Variants in HADHA observed in about 807,000 individuals in gnomAD.
The protein encoded by HADHA is trifunctional enzyme subunit alpha, mitochondrial.
HADHA carries 59 observed loss-of-function variants against 91.3 expected under a neutral mutation model. The ratio of observed to expected loss-of-function variants is 0.65; its 90% CI spans 0.52 to 0.80. The LOEUF (loss-of-function observed/expected upper bound fraction) is 0.80, where lower values mean the gene tolerates loss of function less well. Ranked by LOEUF, HADHA falls within the 30% of genes least tolerant of loss-of-function variation. The pLI, the probability that HADHA is intolerant of heterozygous loss-of-function variation, is 0.00. For missense variants in HADHA, 800 were observed against 927.6 expected (o/e 0.86, Z 1.79); for synonymous variants, 320 against 338.9 (o/e 0.94, Z 0.61).
intron 11 of HADHA, among the ~76,000 whole-genome samples, chr2:26,206,058 T>C (rs1669962700): frequency 6.6e-6 from 1 of 152,022 alleles, no homozygotes; most frequent in Non-Finnish European, 1.5e-5. Flanking sequence ...CCTAACACTT[T>C]GGGAGGCCTA....
At position 26,239,225 on chromosome 2, in the gene HADHA, A is replaced by T. The variant is rs12987980; in HGVS notation, c.68-82T>A. ...ATATATAACAAAGCTGTAATTTACAATAATAACAACAACAAAAACCCCAAA... is the reference window on the plus strand; with the variant it reads ...ATATATAACAAAGCTGTAATTTACATTAATAACAACAACAAAAACCCCAAA... On this transcript the variant is annotated intron_variant, in intron 1 of 19. Transcript: ENST00000380649. 186,610 of 935,198 alleles carry T rather than the reference A, an allele frequency of 0.2. 20,599 individuals are homozygous for T. Among genetic ancestry groups the T allele is most frequent in the Middle Eastern group, 0.25 (846 of 3,358 alleles). 57.9% of individuals were successfully genotyped at this position (935,198 alleles called of 1,614,324 possible). A position where few individuals can be genotyped will look rare whatever the true frequency, so the allele number is the denominator to read the frequency against.
At chr2:26,225,717 A>G (rs1472944133) in intron 7 of HADHA, among the ~76,000 whole-genome samples, 3 of 152,218 alleles carry the variant, frequency 2.0e-5, no homozygotes, top group African/African-American at 7.2e-5. Context: ...CCTGATAAAG[A>G]GCACATATGA....
chr2:26,237,551 T>G (rs1670791716), intron 3 of HADHA, among the ~76,000 whole-genome samples: 1 of 152,092 alleles, frequency 6.6e-6, no homozygotes, highest in South Asian at 2.1e-4. Context: ...CACCTGAGCC[T>G]GGGGAGGCTG....
chr2:26,208,099 C>T (rs1670011060), intron 11 of HADHA, among the ~76,000 whole-genome samples: 1 of 152,104 alleles, frequency 6.6e-6, no homozygotes, highest in South Asian at 2.1e-4. Flanking sequence ...CTATATTTAT[C>T]CTGTTTTTCT....
intron 1 of HADHA, among the ~76,000 whole-genome samples, chr2:26,242,370 G>A (rs1380819598): frequency 2.6e-5 from 4 of 151,984 alleles, no homozygotes; most frequent in Admixed American, 1.3e-4. Context: ...TGCTATTAAG[G>A]GATCAGTAAC....
intron 7 of HADHA, among the ~76,000 whole-genome samples, chr2:26,220,301 A>C (rs1029712504): frequency 7.2e-5 from 11 of 152,224 alleles, no homozygotes; most frequent in African/African-American, 2.7e-4. Context: ...AGCAATGAGT[A>C]ATATCACTAT....
intron 12 of HADHA, among the ~76,000 whole-genome samples, chr2:26,202,269 C>A (rs1340665900): frequency 2.0e-5 from 3 of 152,174 alleles, no homozygotes; most frequent in Admixed American, 6.5e-5. Context: ...AGACATTCAA[C>A]TGATTATTTT....
intron 1 of HADHA, among the ~76,000 whole-genome samples, chr2:26,240,723 A>G (rs536543537): frequency 6.5e-4 from 99 of 152,270 alleles, no homozygotes; most frequent in African/African-American, 2.2e-3. Context: ...GGCTCAAGTA[A>G]TCTTCCGGAG....
chr2:26,240,371 A>G (rs1325604387), intron 1 of HADHA, among the ~76,000 whole-genome samples: 1 of 152,216 alleles, frequency 6.6e-6, no homozygotes, highest in Non-Finnish European at 1.5e-5. Flanking sequence ...TCAGCAGGGG[A>G]TATGATATCT....
intron 11 of HADHA, among the ~76,000 whole-genome samples, chr2:26,208,340 TAC>T (rs1312502779): frequency 1.3e-5 from 2 of 152,194 alleles, no homozygotes; most frequent in Non-Finnish European, 2.9e-5. Flanking sequence ...GCATACTGAC[TAC>T]ACAATACCAC....
At chr2:26,234,172 AC>A in intron 5 of HADHA, 44 bp downstream of exon 5, 1 of 1,579,936 alleles carries the variant, frequency 6.3e-7, no homozygotes, top group Non-Finnish European at 8.7e-7. Flanking sequence ...GATGAATGCC[AC>A]CAATGAGTTG....
In HADHA at chr2:26,195,764, G is replaced by A. The variant is rs563118732; in HGVS notation, c.1480-532C>T. Among the ~76,000 whole-genome samples the A allele has an allele frequency of 5.3e-5, 8 of 152,220 alleles. No individual in the cohort carries two copies. The South Asian group carries it at 1.2e-3, about 24-fold the overall frequency. On this transcript the variant is annotated intron_variant, in intron 14 of 19. Coordinates refer to ENST00000380649, the MANE Select transcript of HADHA (RefSeq NM_000182.5). ...CAGCAGTTCTCCAAGTGTAGTACCC[G>A]GACCCAACAAGCACTGTCATCACCT...
chr2:26,229,390 CT>C lies in HADHA; in HGVS notation c.676+801del, dbSNP rs1362122985. 6.7e-6 allele frequency among the ~76,000 whole-genome samples: 1 copy of C among 149,190 alleles called. No homozygotes were observed. Among genetic ancestry groups the C allele is most frequent in the African/African-American group, 2.5e-5 (1 of 39,366 alleles). ...CACACACACAAAATTAATACATTTA[CT>C]ATTATGTAAGTAATATCTCAATAAT... On this transcript the variant is annotated intron_variant, in intron 7 of 19. Transcript: ENST00000380649. This position sits in a 1 kb window ranked among gnomAD's most constrained non-coding sequence, Gnocchi z 4.3.
At chr2:26,199,847 T>G (rs1326311075) in intron 13 of HADHA, among the ~76,000 whole-genome samples, 1 of 152,168 alleles carries the variant, frequency 6.6e-6, no homozygotes, top group East Asian at 1.9e-4. Flanking sequence ...GGATGGACTA[T>G]GAGAGATGTG....
intron 11 of HADHA, among the ~76,000 whole-genome samples, chr2:26,204,497 G>A (rs1379555782): frequency 6.6e-6 from 1 of 152,160 alleles, no homozygotes. Context: ...GTCAACATGA[G>A]TATTTTTGTT....
At position 26,191,204 on chromosome 2, in the gene HADHA, C is replaced by G. The variant is rs367911534; in HGVS notation, c.*46G>C. 1 of 1,594,402 alleles carries G rather than the reference C, an allele frequency of 6.3e-7. No individual in the cohort carries two copies. The highest frequency in any genetic ancestry group is 8.6e-7 in the Non-Finnish European group (1 of 1,163,954). On this transcript the variant is annotated 3_prime_UTR_variant, in exon 20 of 20. Coordinates refer to ENST00000380649, the MANE Select transcript of HADHA (RefSeq NM_000182.5). Reference sequence around the variant, plus strand: ...CACTCTGTTGGAGAACCAGCACTGCCGGCAGCTGGGGTTAGTGCACTGACT... The same window carrying G: ...CACTCTGTTGGAGAACCAGCACTGCGGGCAGCTGGGGTTAGTGCACTGACT...
Position 26,214,373 on chromosome 2 carries a change from G to C in HADHA, c.918+70C>G. On this transcript the variant is annotated intron_variant, in intron 9 of 19. Transcript: ENST00000380649. The surrounding 1 kb of genome is among the most constrained non-coding windows in gnomAD (Gnocchi z 4.1). ...TACTCAACATACATGGTCCAGAATG[G>C]CAATAAGGAGGAGTGATCTATATAA... 1.2e-6 allele frequency: 1 copy of C among 816,426 alleles called. No individual in the cohort carries two copies. Among genetic ancestry groups the C allele is most frequent in the South Asian group, 1.3e-5 (1 of 74,962 alleles). 50.6% of individuals were successfully genotyped at this position (816,426 alleles called of 1,614,324 possible). A position where few individuals can be genotyped will look rare whatever the true frequency, so the allele number is the denominator to read the frequency against.
Position 26,195,214 on chromosome 2 carries a change from A to G in HADHA, c.1498T>C (p.Phe500Leu), listed in dbSNP as rs1426000776. The G allele has an allele frequency of 2.5e-6, 4 of 1,613,316 alleles. No individual in the cohort carries two copies. Among genetic ancestry groups the G allele is most frequent in the South Asian group, 1.1e-5 (1 of 91,056 alleles). ...RPEKVIGMHY[F>L]SPVDKMQLLE... is the part of the protein sequence containing the mutation. ...AGCTGCATCTTGTCCACGGGAGAGA[A>G]GTAGTGCATGCCAATCACCTGGCAA... Residue 500 changes from phenylalanine to leucine, a missense_variant, in exon 15 of 20, where the codon TTC becomes CTC. Physicochemically the swap from Phe to Leu is conservative, Grantham distance 22. Coordinates refer to ENST00000380649, the MANE Select transcript of HADHA (RefSeq NM_000182.5).
At chr2:26,228,209 C>T (rs1321932493) in intron 7 of HADHA, among the ~76,000 whole-genome samples, 1 of 151,914 alleles carries the variant, frequency 6.6e-6, no homozygotes, top group Non-Finnish European at 1.5e-5. Context: ...TGGCTCACGG[C>T]AACCTCCACC....
Sources: allele counts gnomAD v4.1 joint callset (sites outside exome capture counted in the v4.1 genomes callset), GRCh38; gene constraint gnomAD v4.1.1; non-coding constraint Gnocchi (gnomAD v3.1); transcripts MANE v1.5; gene names NCBI Gene and HGNC (gene_info 2026-07-23, HGNC 2026-07-21).